Variants in RPTOR observed in about 807,000 individuals in gnomAD.
RPTOR encodes regulatory associated protein of MTOR complex 1.
In RPTOR, 21 loss-of-function variants were observed where a neutral mutation model predicts 169.9. That is an observed-to-expected ratio of 0.12 (90% CI 0.09 to 0.18). RPTOR has a LOEUF of 0.18. Ranked by LOEUF, RPTOR falls within the 10% of genes least tolerant of loss-of-function variation. The pLI, the probability that RPTOR is intolerant of heterozygous loss-of-function variation, is 1.00. For missense variants in RPTOR, 1,133 were observed against 1,855.9 expected, an observed-to-expected ratio of 0.61 and a Z score of 7.16; for synonymous variants, 732 against 753.2, an observed-to-expected ratio of 0.97 and a Z score of 0.46.
At chr17:80,853,312 G>C (rs920384654) in intron 11 of RPTOR, among the ~76,000 whole-genome samples, 10 of 152,174 alleles carry the variant, frequency 6.6e-5, no homozygotes, top group South Asian at 6.2e-4. Context: ...CTGCAACGCG[G>C]TAACCCCCTC....
chr17:80,955,985 G>A (rs1409476263), intron 28 of RPTOR, among the ~76,000 whole-genome samples: 3 of 152,212 alleles, frequency 2.0e-5, no homozygotes, highest in Non-Finnish European at 4.4e-5. Flanking sequence ...TGTGTCTTGG[G>A]CCAGATAAAT....
In RPTOR at chr17:80,730,280, A is replaced by C. The variant is rs2066378974; in HGVS notation, c.508-280A>C. ...CTTCACCATGTCTGGCTAATTTTGT[A>C]TTTTTAGTAGAGACTGGGTTTTACC... On this transcript the variant is annotated intron_variant, in intron 4 of 33. Coordinates refer to ENST00000306801, the MANE Select transcript of RPTOR (RefSeq NM_020761.3). This position sits in a 1 kb window ranked among gnomAD's most constrained non-coding sequence, Gnocchi z 4.2. Among the ~76,000 whole-genome samples the C allele has an allele frequency of 6.6e-6, 1 of 151,892 alleles. No individual in the cohort carries two copies. The highest frequency in any genetic ancestry group is 1.5e-5 in the Non-Finnish European group (1 of 67,990).
At chr17:80,775,568 T>G (rs1401035998) in intron 6 of RPTOR, among the ~76,000 whole-genome samples, 3 of 152,224 alleles carry the variant, frequency 2.0e-5, no homozygotes, top group Non-Finnish European at 2.9e-5. Flanking sequence ...AAATTTCTTT[T>G]TAGCTCAGAA....
intron 24 of RPTOR, among the ~76,000 whole-genome samples, chr17:80,933,305 C>T (rs2068919858): frequency 6.6e-6 from 1 of 152,138 alleles, no homozygotes; most frequent in South Asian, 2.1e-4. Context: ...AGCTCAATAT[C>T]CAGTAACCAT....
At chr17:80,616,292 G>GA (rs1306603189) in intron 1 of RPTOR, among the ~76,000 whole-genome samples, 4 of 130,284 alleles carry the variant, frequency 3.1e-5, no homozygotes, top group African/African-American at 1.2e-4. Context: ...ATTGAAAATT[G>GA]AAAATCTTTT....
intron 3 of RPTOR, among the ~76,000 whole-genome samples, chr17:80,700,921 G>A (rs114677336): frequency 0.014 from 2,114 of 152,024 alleles, 51 homozygotes; most frequent in African/African-American, 0.049. Context: ...AGAGGTGGAT[G>A]GACTCAGTCA....
rs1430438214 is a variant in RPTOR at position 80,746,278 on chromosome 17, C to T, written c.655-7732C>T. ...GCTTTCTGCGGGTGATCCCCACCGC[C>T]CCCACAGCGGTGCTTTCTGCGGGTG... is the stretch of plus-strand genomic sequence containing the variant. On this transcript the variant is annotated intron_variant, in intron 5 of 33. Coordinates refer to ENST00000306801, the MANE Select transcript of RPTOR (RefSeq NM_020761.3). This position sits in a 1 kb window ranked among gnomAD's most constrained non-coding sequence, Gnocchi z 4.5. Among the ~76,000 whole-genome samples the T allele has an allele frequency of 7.4e-6, 1 of 134,592 alleles. No individual in the cohort carries two copies. Among genetic ancestry groups the T allele is most frequent in the Non-Finnish European group, 1.7e-5 (1 of 57,186 alleles). The allele number at this position is 134,592 out of a possible 152,430, so 88.3% of individuals were successfully genotyped here.
intron 3 of RPTOR, among the ~76,000 whole-genome samples, chr17:80,654,712 A>T (rs938897133): frequency 6.6e-6 from 1 of 152,208 alleles, no homozygotes; most frequent in African/African-American, 2.4e-5. Context: ...AGAATTTTTA[A>T]TTATAAGTTT....
chr17:80,803,603 A>C lies in RPTOR; in HGVS notation c.890+12094A>C, dbSNP rs2067185862. ...GGCCTCGGGTTCCAGGCTCGAGCGCACTTTTCAGACCCCGCGTGTGTTTCT... is the reference window on the plus strand; with the variant it reads ...GGCCTCGGGTTCCAGGCTCGAGCGCCCTTTTCAGACCCCGCGTGTGTTTCT... On this transcript the variant is annotated intron_variant, in intron 7 of 33. Coordinates refer to ENST00000306801, the MANE Select transcript of RPTOR (RefSeq NM_020761.3). The surrounding 1 kb of genome is among the most constrained non-coding windows in gnomAD (Gnocchi z 6.2). The C allele has an allele frequency of 1.3e-5, 2 of 152,140 alleles. No homozygotes were observed. Among genetic ancestry groups the C allele is most frequent in the Non-Finnish European group, 2.9e-5 (2 of 68,068 alleles). 9.4% of individuals were successfully genotyped at this position (152,140 alleles called of 1,614,324 possible). A position where few individuals can be genotyped will look rare whatever the true frequency, so the allele number is the denominator to read the frequency against.
intron 3 of RPTOR, among the ~76,000 whole-genome samples, chr17:80,703,615 T>A (rs1296473498): frequency 2.6e-5 from 4 of 152,132 alleles, no homozygotes; most frequent in African/African-American, 9.7e-5. Flanking sequence ...GTCCTACCTC[T>A]CCATTTTTGC....
intron 1 of RPTOR, among the ~76,000 whole-genome samples, chr17:80,624,640 G>C (rs2065379230): frequency 6.6e-6 from 1 of 152,224 alleles, no homozygotes; most frequent in Non-Finnish European, 1.5e-5. Context: ...ACACCTGTGA[G>C]TTTGGGGCAG....
intron 3 of RPTOR, among the ~76,000 whole-genome samples, chr17:80,665,367 C>T: frequency 1.9e-4 from 1 of 5,270 alleles, no homozygotes; most frequent in South Asian, 0.011. Context: ...CCTTTCCTTT[C>T]CTTTCCTTTC....
At chr17:80,834,830 C>T (rs1052967139) in intron 9 of RPTOR, among the ~76,000 whole-genome samples, 1 of 152,222 alleles carries the variant, frequency 6.6e-6, no homozygotes, top group Non-Finnish European at 1.5e-5. Flanking sequence ...CCAGGTGCCA[C>T]GCTGGTCTGC....
intron 3 of RPTOR, among the ~76,000 whole-genome samples, chr17:80,685,642 T>TTTTTTTA (rs2065939884): frequency 9.6e-6 from 1 of 104,132 alleles, no homozygotes; most frequent in Non-Finnish European, 2.0e-5. Flanking sequence ...TTTTTTTTTT[T>TTTTTTTA]TTTTTTTTTT....
chr17:80,673,099 A>G (rs2143686274), intron 3 of RPTOR, among the ~76,000 whole-genome samples: 1 of 151,936 alleles, frequency 6.6e-6, no homozygotes, highest in East Asian at 2.0e-4. Flanking sequence ...GCCAATTTTT[A>G]TATTTTTAGT....
chr17:80,781,846 G>T (rs1044414695), intron 6 of RPTOR, among the ~76,000 whole-genome samples: 2 of 152,204 alleles, frequency 1.3e-5, no homozygotes, highest in African/African-American at 4.8e-5. Flanking sequence ...TGCAGAAGGG[G>T]CTATGATTGT....
intron 20 of RPTOR, among the ~76,000 whole-genome samples, chr17:80,899,789 T>G (rs1567976444): frequency 1.3e-5 from 2 of 152,150 alleles, no homozygotes; most frequent in Non-Finnish European, 2.9e-5. Context: ...AAAATATTGT[T>G]CCTTTGATTT....
intron 6 of RPTOR, among the ~76,000 whole-genome samples, chr17:80,776,184 G>A (rs2066890013): frequency 6.6e-6 from 1 of 152,050 alleles, no homozygotes; most frequent in Non-Finnish European, 1.5e-5. Flanking sequence ...GGGCAACATA[G>A]CATAGAGTAA....
chr17:80,578,784 A>C (rs2064988384), intron 1 of RPTOR, among the ~76,000 whole-genome samples: 1 of 152,188 alleles, frequency 6.6e-6, no homozygotes, highest in South Asian at 2.1e-4. Context: ...GGCTTGGGCC[A>C]CTGAGGTAGG....
Sources: gnomAD v4.1 joint callset for allele counts (sites outside exome capture counted in the v4.1 genomes callset) on GRCh38, gnomAD v4.1.1 for gene constraint, Gnocchi (gnomAD v3.1) non-coding constraint, MANE v1.5 for transcripts, NCBI Gene and HGNC (gene_info 2026-07-23, HGNC 2026-07-21) for gene names.